MS4A8: variants seen among roughly 807,000 people sequenced by gnomAD.
The protein encoded by MS4A8 is membrane-spanning 4-domains subfamily A member 8.
MS4A8 carries 27 observed loss-of-function variants against 23.7 expected under a neutral mutation model. That is an observed-to-expected ratio of 1.14 (90% confidence interval 0.84 to 1.57). The LOEUF (loss-of-function observed/expected upper bound fraction) is 1.57, where lower values mean the gene tolerates loss of function less well. Ranked by LOEUF, MS4A8 falls within the 40% of genes most tolerant of loss-of-function variation. The probability of loss-of-function intolerance (pLI) is 0.00; values close to 1 mark genes in which losing one functional copy is unlikely to be tolerated. For missense variants in MS4A8, 301 were observed against 311.4 expected (o/e 0.97, Z 0.25); for synonymous variants, 138 against 126.3 (o/e 1.09, Z -0.62).
In MS4A8 at chr11:60,703,424, T is replaced by C; in HGVS notation, c.266T>C (p.Ile89Thr). Residue 89 changes from isoleucine to threonine, a missense_variant, in exon 3 of 7, where the codon ATC becomes ACC. Coordinates refer to ENST00000300226, the MANE Select transcript of MS4A8 (RefSeq NM_031457.2). ...IGLAHIGLGS[I>T]MATVLVGEYL... is the part of the protein sequence containing the mutation. ...CTGGCTCACATCGGCCTCGGCTCCA[T>C]CATGGCGACGGTTCTCGTAGGGGAA... 6.2e-7 allele frequency: 1 copy of C among 1,604,758 alleles called. No individual in the cohort carries two copies. The highest frequency in any genetic ancestry group is 1.1e-5 in the South Asian group (1 of 89,344).
At position 60,703,477 on chromosome 11, in the gene MS4A8, T is replaced by C. The variant is rs1403811905; in HGVS notation, c.319T>C (p.Phe107Leu). 6.2e-7 allele frequency: 1 copy of C among 1,608,044 alleles called. No homozygotes were observed. The highest frequency in any genetic ancestry group is 8.5e-7 in the Non-Finnish European group (1 of 1,177,672). ...EYLSISFYGG[F>L]PFWGGLWFII... ...CCTGTCTATTTCATTCTACGGAGGC[T>C]TTCCCTTCTGGGGAGGCTTGTGGGT... is the stretch of plus-strand genomic sequence containing the variant. The change falls in exon 3 of 7, where the codon TTT becomes CTT. Residue 107 changes from phenylalanine (F) to leucine (L), a missense_variant. Physicochemically the swap from Phe to Leu is conservative, Grantham distance 22. Transcript: ENST00000300226.
chr11:60,708,775 G>A lies in MS4A8; in HGVS notation c.528G>A (p.Trp176Ter). Residue 176 changes from tryptophan (W) to a stop codon, truncating the protein, a stop_gained, in exon 5 of 7, where the codon TGG becomes TGA. Transcript: ENST00000300226. LOFTEE classifies it high-confidence loss of function. Reference protein sequence around the residue: ...YAYPDYYPYAWGVNPGMAISG... With the variant: ...YAYPDYYPYA The stretch of plus-strand genomic sequence containing the variant: ...ACCCCGACTATTATCCTTACGCCTG[G>A]GGTGTGGTGAGTATCCCTCTCAACC... 1 of 1,613,936 alleles carries A rather than the reference G, an allele frequency of 6.2e-7. No homozygotes were observed. Among genetic ancestry groups the A allele is most frequent in the Non-Finnish European group, 8.5e-7 (1 of 1,179,884 alleles).
chr11:60,715,223 G>A, intron 6 of MS4A8, 87 bp from the exon 7 acceptor site: 1 of 1,467,502 alleles, frequency 6.8e-7, no homozygotes, highest in South Asian at 1.1e-5. Flanking sequence ...TGCCTGCTCA[G>A]GAGCAGGAGT....
At chr11:60,714,013 T>C in intron 5 of MS4A8, among the ~76,000 whole-genome samples, 1 of 140,810 alleles carries the variant, frequency 7.1e-6, no homozygotes, top group African/African-American at 2.8e-5. Context: ...CAAGCTCCAC[T>C]TCCCGGGTTC....
intron 3 of MS4A8, among the ~76,000 whole-genome samples, chr11:60,706,318 G>A (rs915946443): frequency 4.6e-5 from 7 of 152,096 alleles, no homozygotes; most frequent in African/African-American, 1.2e-4. Flanking sequence ...CAGTGCCTGC[G>A]GAATACCATG....
At chr11:60,703,320 T>C (rs867462920) in intron 2 of MS4A8, 58 bp from the exon 3 acceptor site, 3 of 1,466,238 alleles carry the variant, frequency 2.0e-6, no homozygotes, top group Middle Eastern at 1.8e-4. Flanking sequence ...AGGAGGCTCA[T>C]AGGGGAGGCA....
At chr11:60,714,856 T>C (rs2306836) in intron 5 of MS4A8, among the ~76,000 whole-genome samples, 165 bp from the exon 6 acceptor site, 31,630 of 151,954 alleles carry the variant, frequency 0.21, 4,359 homozygotes, top group African/African-American at 0.39. Context: ...TTTACCCCCA[T>C]ACTTGATACT....
intron 3 of MS4A8, among the ~76,000 whole-genome samples, chr11:60,706,592 G>A (rs2088257974): frequency 6.6e-6 from 1 of 152,044 alleles, no homozygotes; most frequent in South Asian, 2.1e-4. Context: ...TAAAATACAA[G>A]GAAATAATCC....
At chr11:60,715,169 G>GC in intron 6 of MS4A8, 35 bp downstream of exon 6, 1 of 1,559,820 alleles carries the variant, frequency 6.4e-7, no homozygotes, top group Non-Finnish European at 8.8e-7. Context: ...GTGGAAAGAT[G>GC]CCCCCAAAAA....
At chr11:60,706,926 A>G (rs1427334720) in intron 3 of MS4A8, 62 bp from the exon 4 acceptor site, 2 of 1,414,570 alleles carry the variant, frequency 1.4e-6, no homozygotes, top group Non-Finnish European at 1.0e-6. Context: ...AGAATCACAG[A>G]AGCCTGGGGA....
rs952030784 is a variant in MS4A8, at chr11:60,715,486, C to T, written c.*72C>T. The T allele has an allele frequency of 1.3e-5, 15 of 1,193,612 alleles. No homozygotes were observed. In the African/African-American group the frequency reaches 1.6e-4, roughly 13 times the overall value. The allele number at this position is 1,193,612 out of a possible 1,614,324, so 73.9% of individuals were successfully genotyped here. A position where few individuals can be genotyped will look rare whatever the true frequency, so the allele number is the denominator to read the frequency against. ...TCCTCCCTTTCTGGGCTTCCATAAC[C>T]CAGGTCGTTCCTGTTCTGACAGCTG... On this transcript the variant is annotated 3_prime_UTR_variant, in exon 7 of 7. Coordinates refer to ENST00000300226, the MANE Select transcript of MS4A8 (RefSeq NM_031457.2).
intron 2 of MS4A8, 86 bp downstream of exon 2, chr11:60,701,165 A>C: frequency 7.8e-7 from 1 of 1,282,802 alleles, no homozygotes; most frequent in Non-Finnish European, 1.1e-6. Context: ...ATACACAAAC[A>C]CTACATCCCG....
chr11:60,708,569 A>G, intron 4 of MS4A8, 81 bp from the exon 5 acceptor site: 1 of 1,413,530 alleles, frequency 7.1e-7, no homozygotes, highest in Middle Eastern at 2.1e-4. Flanking sequence ...TTGGGGGGAA[A>G]AAGAAACACT....
At chr11:60,703,821 G>A (rs139220633) in intron 3 of MS4A8, among the ~76,000 whole-genome samples, 249 of 152,288 alleles carry the variant, frequency 1.6e-3, no homozygotes, top group African/African-American at 5.6e-3. Flanking sequence ...GCAGAAGGTC[G>A]TCTTCTCCCT....
rs1327796421 is a variant in MS4A8 at position 60,708,717 on chromosome 11, T to C, written c.470T>C (p.Ile157Thr). The change falls in exon 5 of 7, where the codon ATC becomes ACC. Residue 157 changes from isoleucine to threonine, a missense_variant. Ile to Thr is a moderately conservative substitution (Grantham distance 89, BLOSUM62 -1). Transcript: ENST00000300226. ...ICSAVGVILFITDLSIPHPYA... is the reference protein window; with the variant it reads ...ICSAVGVILFTTDLSIPHPYA... ...TCTGCAGTTGGAGTCATACTCTTCA[T>C]CACAGATCTAAGTATTCCCCACCCA... 6.2e-7 allele frequency: 1 copy of C among 1,611,384 alleles called. No homozygotes were observed. Among genetic ancestry groups the C allele is most frequent in the East Asian group, 2.2e-5 (1 of 44,836 alleles).
intron 4 of MS4A8, among the ~76,000 whole-genome samples, chr11:60,708,185 G>A (rs1278703943): frequency 2.6e-5 from 4 of 152,048 alleles, no homozygotes; most frequent in African/African-American, 9.7e-5. Flanking sequence ...CCCATGATAT[G>A]CTCAATGAAG....
intron 3 of MS4A8, among the ~76,000 whole-genome samples, 169 bp downstream of exon 3, chr11:60,703,669 G>A (rs2134655017): frequency 6.6e-6 from 1 of 152,326 alleles, no homozygotes; most frequent in Non-Finnish European, 1.5e-5. Flanking sequence ...TATTAGTTTG[G>A]TAGGGCCGGC....
chr11:60,705,498 A>G (rs138982104), intron 3 of MS4A8, among the ~76,000 whole-genome samples: 41 of 152,240 alleles, frequency 2.7e-4, no homozygotes, highest in East Asian at 2.1e-3. Context: ...CTGTCTTTCT[A>G]TTTCCCAAAG....
Position 60,703,463 on chromosome 11 carries a change from C to G in MS4A8, c.305C>G (p.Ser102Ter). 6.2e-7 allele frequency: 1 copy of G among 1,608,942 alleles called. No individual in the cohort carries two copies. The highest frequency in any genetic ancestry group is 2.3e-5 in the East Asian group (1 of 44,314). ...TVLVGEYLSISFYGGFPFWGG... is the reference protein window; with the variant it reads ...TVLVGEYLSI ...CTCGTAGGGGAATACCTGTCTATTT[C>G]ATTCTACGGAGGCTTTCCCTTCTGG... Residue 102 changes from serine (S) to a stop codon, truncating the protein, a stop_gained, in exon 3 of 7, where the codon TCA (serine) becomes TGA (stop). Coordinates refer to ENST00000300226, the MANE Select transcript of MS4A8 (RefSeq NM_031457.2). LOFTEE classifies it high-confidence loss of function.
Sources: gnomAD v4.1 joint callset for allele counts (sites outside exome capture counted in the v4.1 genomes callset) on GRCh38, gnomAD v4.1.1 for gene constraint, MANE v1.5 for transcripts, NCBI Gene and HGNC (gene_info 2026-07-23, HGNC 2026-07-21) for gene names.